CSNK1G3: variants seen among roughly 807,000 people sequenced by gnomAD.
CSNK1G3 encodes the protein casein kinase I isoform gamma-3.
Under a neutral mutation model 64.3 loss-of-function variants are expected in CSNK1G3, and 23 were observed. The ratio of observed to expected loss-of-function variants is 0.36; its 90% CI spans 0.26 to 0.51. CSNK1G3 has a LOEUF of 0.51. CSNK1G3 is among the 20% of genes least tolerant of loss of function. CSNK1G3 has a pLI of 0.96. For missense variants in CSNK1G3, 357 were observed against 510.5 expected, an observed-to-expected ratio of 0.70 and a Z score of 2.90; for synonymous variants, 158 against 162.2, an observed-to-expected ratio of 0.97 and a Z score of 0.20.
intron 10 of CSNK1G3, among the ~76,000 whole-genome samples, chr5:123,602,905 A>T (rs529151086): frequency 6.6e-6 from 1 of 152,160 alleles, no homozygotes; most frequent in East Asian, 1.9e-4. Flanking sequence ...TTATGTATTG[A>T]TCTCATCTCA....
intron 4 of CSNK1G3, among the ~76,000 whole-genome samples, chr5:123,564,701 A>G (rs1443846799): frequency 6.6e-6 from 1 of 152,066 alleles, no homozygotes; most frequent in South Asian, 2.1e-4. Flanking sequence ...TAAATGTGTA[A>G]ATTAAATCAT....
chr5:123,524,422 C>T (rs1778679099), intron 1 of CSNK1G3, among the ~76,000 whole-genome samples: 1 of 152,250 alleles, frequency 6.6e-6, no homozygotes, highest in East Asian at 1.9e-4. Flanking sequence ...TACAGGCAGC[C>T]CTCTCTTTTA....
chr5:123,568,396 C>G (rs1000311731), intron 4 of CSNK1G3, among the ~76,000 whole-genome samples: 4 of 152,160 alleles, frequency 2.6e-5, no homozygotes, highest in Non-Finnish European at 4.4e-5. Context: ...GTAAAATCCA[C>G]TCTTTGTCTC....
intron 10 of CSNK1G3, among the ~76,000 whole-genome samples, chr5:123,603,600 A>T (rs991896307): frequency 6.6e-6 from 1 of 152,176 alleles, no homozygotes; most frequent in African/African-American, 2.4e-5. Context: ...CAAATAATTT[A>T]AAATAGGGTG....
At chr5:123,572,007 T>C (rs13190325) in intron 4 of CSNK1G3, among the ~76,000 whole-genome samples, 17,465 of 152,196 alleles carry the variant, frequency 0.11, 1,138 homozygotes, top group East Asian at 0.16. Context: ...ATAAGTTGTT[T>C]TGAGAGAGTT....
At chr5:123,543,862 T>C (rs1782086170) in intron 1 of CSNK1G3, among the ~76,000 whole-genome samples, 1 of 152,106 alleles carries the variant, frequency 6.6e-6, no homozygotes, top group South Asian at 2.1e-4. Flanking sequence ...CATCTGCAAA[T>C]AAGAATATGG....
rs529147635 is a variant in CSNK1G3 at position 123,514,463 on chromosome 5, C to G, written c.-248+1893C>G. On this transcript the variant is annotated intron_variant, in intron 1 of 12. Coordinates refer to ENST00000345990, the Ensembl canonical transcript of CSNK1G3. The stretch of plus-strand genomic sequence containing the variant: ...TAATTCAACCAGGACCACCTTTACT[C>G]TGTGGCAAGGATGGAACAGTGGGTA... Among the ~76,000 whole-genome samples, 347 of 152,338 alleles carry G rather than the reference C, an allele frequency of 2.3e-3. 2 individuals carry two copies. The highest frequency in any genetic ancestry group is 8.0e-3 in the African/African-American group (334 of 41,580).
At chr5:123,534,265 T>A (rs1032281397) in intron 1 of CSNK1G3, among the ~76,000 whole-genome samples, 1 of 152,108 alleles carries the variant, frequency 6.6e-6, no homozygotes, top group Non-Finnish European at 1.5e-5. Flanking sequence ...TTAGACAGAT[T>A]AAGTGTCTTG....
chr5:123,608,065 G>C (rs1451166948), intron 12 of CSNK1G3, among the ~76,000 whole-genome samples: 1 of 152,048 alleles, frequency 6.6e-6, no homozygotes, highest in African/African-American at 2.4e-5. Context: ...CAGTAGGTGG[G>C]ACTATAGGTG....
At chr5:123,524,531 A>G (rs1778699260) in intron 1 of CSNK1G3, among the ~76,000 whole-genome samples, 1 of 152,066 alleles carries the variant, frequency 6.6e-6, no homozygotes, top group Admixed American at 6.6e-5. Context: ...TGTTTTTAAG[A>G]CTTCGTTTCA....
At chr5:123,562,175 A>G (rs971994864) in intron 4 of CSNK1G3, among the ~76,000 whole-genome samples, 2 of 151,844 alleles carry the variant, frequency 1.3e-5, no homozygotes, top group African/African-American at 2.4e-5. Flanking sequence ...AATGAATTCT[A>G]TTTTTCTTTA....
chr5:123,556,192 G>T (rs187023329), intron 3 of CSNK1G3, among the ~76,000 whole-genome samples: 1 of 152,094 alleles, frequency 6.6e-6, no homozygotes, highest in African/African-American at 2.4e-5. Context: ...GTTTTGCAGT[G>T]GGATTTTAAT....
chr5:123,576,885 C>G (rs1419306319), intron 6 of CSNK1G3, among the ~76,000 whole-genome samples: 1 of 152,046 alleles, frequency 6.6e-6, no homozygotes, highest in Non-Finnish European at 1.5e-5. Context: ...TGATGATTTT[C>G]TAACTCCATT....
intron 10 of CSNK1G3, 70 bp downstream of exon 11, chr5:123,595,204 A>C: frequency 2.5e-5 from 33 of 1,340,372 alleles, no homozygotes; most frequent in African/African-American, 4.4e-5. Context: ...TTTGGAACTC[A>C]TGGCATGATT....
intron 1 of CSNK1G3, among the ~76,000 whole-genome samples, chr5:123,532,984 T>G (rs866536525): frequency 2.0e-5 from 3 of 151,936 alleles, no homozygotes; most frequent in African/African-American, 7.2e-5. Context: ...TTTGATACTA[T>G]GTCAAATTTT....
At chr5:123,554,339 T>A (rs977763131) in intron 3 of CSNK1G3, among the ~76,000 whole-genome samples, 1 of 152,152 alleles carries the variant, frequency 6.6e-6, no homozygotes, top group Non-Finnish European at 1.5e-5. Flanking sequence ...TCAGCGTTTC[T>A]TAGAGGTGGA....
In CSNK1G3 at chr5:123,614,235, T is replaced by G. The variant is rs1017759498; in HGVS notation, c.1218-107T>G. The stretch of plus-strand genomic sequence containing the variant: ...TTCATTGGTGTAATCACTGTTTATC[T>G]TGCACTAGCCTGTTGCTTTTTATGA... On this transcript the variant is annotated intron_variant, in intron 12 of 12. Transcript: ENST00000345990. 1.0e-5 allele frequency: 10 copies of G among 985,148 alleles called. No homozygotes were observed. In the African/African-American group the frequency reaches 1.5e-4, roughly 15 times the overall value. 61.0% of individuals were successfully genotyped at this position (985,148 alleles called of 1,614,324 possible). A position where few individuals can be genotyped will look rare whatever the true frequency, so the allele number is the denominator to read the frequency against.
chr5:123,553,197 A>G (rs763341496), intron 3 of CSNK1G3, 50 bp downstream of exon 3: 3 of 976,304 alleles, frequency 3.1e-6, no homozygotes, highest in Non-Finnish European at 4.5e-6. Context: ...GTTACTTTTT[A>G]AGTAACTTAT....
Position 123,559,929 on chromosome 5 carries a change from A to G in CSNK1G3, c.289+2365A>G, listed in dbSNP as rs1356568466. On this transcript the variant is annotated intron_variant, in intron 4 of 12. Transcript: ENST00000345990. ...CCTATAATTTTCCTATGGTATGCTG[A>G]ATTTCATTTATATAGCAATTTGCTT... Among the ~76,000 whole-genome samples, 4 of 152,106 alleles carry G rather than the reference A, an allele frequency of 2.6e-5. No homozygotes were observed. In the East Asian group the frequency reaches 7.7e-4, roughly 29 times the overall value.
Sources: allele counts gnomAD v4.1 joint callset (sites outside exome capture counted in the v4.1 genomes callset), GRCh38; gene constraint gnomAD v4.1.1; transcripts MANE v1.5; gene names NCBI Gene and HGNC (gene_info 2026-07-23, HGNC 2026-07-21).